NCOA3: variants seen among roughly 807,000 people sequenced by gnomAD.
NCOA3 encodes CBP-interacting protein.
A neutral mutation model predicts 158.8 loss-of-function variants in NCOA3; 51 were observed. The ratio of observed to expected loss-of-function variants is 0.32; its 90% confidence interval spans 0.26 to 0.41. The LOEUF is 0.41. Among genes scored for constraint, NCOA3 ranks in the 10% least tolerant of loss-of-function variants. NCOA3 has a pLI of 1.00. For synonymous variants in NCOA3, 537 were observed against 592.4 expected, an observed-to-expected ratio of 0.91 and a Z score of 1.36; for missense variants, 1,510 against 1,746.6, an observed-to-expected ratio of 0.86 and a Z score of 2.41.
At chr20:47,608,469 C>G (rs1393001928) in intron 2 of NCOA3, among the ~76,000 whole-genome samples, 1 of 151,492 alleles carries the variant, frequency 6.6e-6, no homozygotes, top group Non-Finnish European at 1.5e-5. Flanking sequence ...AAGACCTGGT[C>G]TGTACTAAAA....
At chr20:47,582,870 C>T (rs1223451059) in intron 1 of NCOA3, among the ~76,000 whole-genome samples, 2 of 152,238 alleles carry the variant, frequency 1.3e-5, no homozygotes, top group East Asian at 1.9e-4. Context: ...TCTCGGGTCA[C>T]TGCAACCTCT....
intron 1 of NCOA3, among the ~76,000 whole-genome samples, chr20:47,536,422 T>C (rs1263540434): frequency 6.6e-6 from 1 of 152,204 alleles, no homozygotes; most frequent in African/African-American, 2.4e-5. Flanking sequence ...ACCTGGTATA[T>C]GCAAAGCATC....
At chr20:47,566,208 C>T (rs527435880) in intron 1 of NCOA3, among the ~76,000 whole-genome samples, 12 of 152,296 alleles carry the variant, frequency 7.9e-5, no homozygotes, top group African/African-American at 2.6e-4. Flanking sequence ...CAGGCGTGAG[C>T]CACTGTGGCT....
intron 1 of NCOA3, among the ~76,000 whole-genome samples, chr20:47,550,093 A>G (rs986860015): frequency 6.6e-6 from 1 of 152,084 alleles, no homozygotes; most frequent in African/African-American, 2.4e-5. Context: ...CTAACTGCCA[A>G]AAGAAGTAAG....
In NCOA3 at chr20:47,656,168, A is replaced by AAT. The variant is rs1029504412; in HGVS notation, c.*2760_*2761dup. The AAT allele has an allele frequency of 6.7e-6, 1 of 149,892 alleles. No homozygotes were observed. Among genetic ancestry groups the AAT allele is most frequent in the African/African-American group, 2.4e-5 (1 of 41,032 alleles). 9.3% of individuals were successfully genotyped at this position (149,892 alleles called of 1,614,324 possible). A position where few individuals can be genotyped will look rare whatever the true frequency, so the allele number is the denominator to read the frequency against. On this transcript the variant is annotated 3_prime_UTR_variant, in exon 23 of 23. Transcript: ENST00000371998. The stretch of plus-strand genomic sequence containing the variant: ...GCTGAATCCAAAGATATATAAATAA[A>AAT]ATATATATATTTTATAAAGATCAGA...
chr20:47,555,336 A>T (rs1240172844), intron 1 of NCOA3, among the ~76,000 whole-genome samples: 1 of 152,192 alleles, frequency 6.6e-6, no homozygotes, highest in Non-Finnish European at 1.5e-5. Context: ...TAGAAAAAAG[A>T]ATATTGGAGT....
At chr20:47,644,402 GTGGGATTACAGGC>G (rs765091343) in intron 17 of NCOA3, among the ~76,000 whole-genome samples, 9 of 152,308 alleles carry the variant, frequency 5.9e-5, no homozygotes, top group South Asian at 4.1e-4. Context: ...GCCTCCCAAA[GTGGGATTACAGGC>G]TGGGATTACA....
rs754189534 is a variant in NCOA3 at position 47,636,082 on chromosome 20, G to A, written c.1696G>A (p.Asp566Asn). Residue 566 changes from aspartate to asparagine, a missense_variant, in exon 12 of 23, where the codon GAT (aspartate) becomes AAT (asparagine). By Grantham distance (23) the Asp-to-Asn change is conservative. Around this residue, in one of 4 missense-constraint regions of NCOA3, gnomAD observed 1,017 missense variants for 1,098.3 expected, o/e 0.93. Transcript: ENST00000371998. ...ITQPSKVSNQDSKSPLGFYCD... is the reference protein window; with the variant it reads ...ITQPSKVSNQNSKSPLGFYCD... ...CCAACCAAGTAAAGTAAGCAATCAG[G>A]ATTCCAAGAGTCCTCTGGGCTTTTA... The A allele has an allele frequency of 4.6e-5, 74 of 1,614,036 alleles. No homozygotes were observed. Among genetic ancestry groups the A allele is most frequent in the Admixed American group, 6.7e-5 (4 of 60,000 alleles).
chr20:47,637,911 G>T (rs902163328), intron 13 of NCOA3, 128 bp downstream of exon 13: 2 of 795,628 alleles, frequency 2.5e-6, no homozygotes, highest in Non-Finnish European at 3.6e-6. Flanking sequence ...TTCTGCCTCT[G>T]TTTTCTATAC....
intron 2 of NCOA3, among the ~76,000 whole-genome samples, chr20:47,620,598 G>C (rs1019479642): frequency 2.0e-5 from 3 of 151,894 alleles, no homozygotes; most frequent in Admixed American, 1.3e-4. Context: ...CCCATTCCCA[G>C]GTTTATTCAC....
intron 1 of NCOA3, among the ~76,000 whole-genome samples, chr20:47,546,001 C>T (rs1423348369): frequency 6.6e-6 from 1 of 152,094 alleles, no homozygotes; most frequent in Non-Finnish European, 1.5e-5. Flanking sequence ...AGGCATGAGC[C>T]ACTGTGCCAG....
intron 2 of NCOA3, among the ~76,000 whole-genome samples, chr20:47,585,888 C>T (rs2146227327): frequency 6.6e-6 from 1 of 152,020 alleles, no homozygotes; most frequent in East Asian, 1.9e-4. Context: ...GTGATATATA[C>T]CCATTCTTCT....
At chr20:47,590,314 A>G (rs13042367) in intron 2 of NCOA3, among the ~76,000 whole-genome samples, 29,525 of 152,168 alleles carry the variant, frequency 0.19, 3,551 homozygotes, top group Middle Eastern at 0.29. Context: ...ACATGAAAAA[A>G]TAGACTTAGT....
At chr20:47,626,239 G>C (rs1275461581) in intron 5 of NCOA3, among the ~76,000 whole-genome samples, 1 of 152,136 alleles carries the variant, frequency 6.6e-6, no homozygotes, top group Non-Finnish European at 1.5e-5. Context: ...ACTTCTTTTT[G>C]TTTCAGGTAG....
At chr20:47,522,099 CTTTTTTTTTTT>C (rs772811888) in intron 1 of NCOA3, among the ~76,000 whole-genome samples, 5 of 76,836 alleles carry the variant, frequency 6.5e-5, no homozygotes, top group Non-Finnish European at 1.2e-4. Flanking sequence ...TTGTACAGAT[CTTTTTTTTTTT>C]TTTTTTTTTT....
intron 1 of NCOA3, among the ~76,000 whole-genome samples, chr20:47,516,402 T>G (rs546979307): frequency 6.6e-6 from 1 of 152,182 alleles, no homozygotes; most frequent in East Asian, 1.9e-4. Flanking sequence ...GAATAGGAAC[T>G]GAAATATAGA....
rs142084306 is a variant in NCOA3 at position 47,598,502 on chromosome 20, A to G, written c.-20+15241A>G. On this transcript the variant is annotated intron_variant, in intron 2 of 22. Coordinates refer to ENST00000371998, the MANE Select transcript of NCOA3 (RefSeq NM_181659.3). Reference sequence around the variant, plus strand: ...AGGTGCGTGCCACCATGCCTGGCTAATTTTTGTTATTTTTAGTAGAGACAG... The same window carrying G: ...AGGTGCGTGCCACCATGCCTGGCTAGTTTTTGTTATTTTTAGTAGAGACAG... Among the ~76,000 whole-genome samples, 70 of 151,800 alleles carry G rather than the reference A, an allele frequency of 4.6e-4. 2 individuals are homozygous for G. The East Asian group carries it at 0.013, about 28-fold the overall frequency.
intron 1 of NCOA3, among the ~76,000 whole-genome samples, chr20:47,511,756 G>C (rs932815854): frequency 2.6e-5 from 4 of 151,284 alleles, no homozygotes; most frequent in Non-Finnish European, 5.9e-5. Flanking sequence ...GTTTCACCTT[G>C]TTGGCCAGGC....
intron 1 of NCOA3, among the ~76,000 whole-genome samples, chr20:47,544,861 C>T (rs1343190877): frequency 1.3e-5 from 2 of 152,120 alleles, no homozygotes; most frequent in Non-Finnish European, 2.9e-5. Flanking sequence ...ATGCCCACTA[C>T]CATTTTTATG....
Sources: gnomAD v4.1 joint callset for allele counts (sites outside exome capture counted in the v4.1 genomes callset) on GRCh38, gnomAD v4.1.1 for gene constraint, gnomAD v4.1.1 regional missense constraint, MANE v1.5 for transcripts, NCBI Gene and HGNC (gene_info 2026-07-23, HGNC 2026-07-21) for gene names.